Variants in ZDHHC15 observed in about 807,000 individuals in gnomAD.
ZDHHC15 encodes palmitoyltransferase ZDHHC15.
Under a neutral mutation model 31.7 loss-of-function variants are expected in ZDHHC15, and 19 were observed. The ratio of observed to expected loss-of-function variants is 0.60; its 90% CI spans 0.42 to 0.88. The LOEUF is 0.88. Ranked by LOEUF, ZDHHC15 falls within the 40% of genes least tolerant of loss-of-function variation. ZDHHC15 has a pLI of 0.00. For synonymous variants in ZDHHC15, 103 were observed against 90.0 expected (o/e 1.14, Z -0.82); for missense variants, 209 against 251.2 (o/e 0.83, Z 1.14).
intron 9 of ZDHHC15, among the ~76,000 whole-genome samples, chrX:75,419,959 G>T: frequency 1.5e-5 from 1 of 65,363 alleles, no homozygotes; most frequent in Non-Finnish European, 2.7e-5. Flanking sequence ...TGGGGTGGGG[G>T]GAGGGGGGAG....
At chrX:75,439,781 T>G (rs1002579720) in intron 4 of ZDHHC15, among the ~76,000 whole-genome samples, 10 of 111,426 alleles carry the variant, frequency 9.0e-5, no homozygotes, top group African/African-American at 3.3e-4. Flanking sequence ...TTGTTCCTTC[T>G]CATTTGGGTA....
At chrX:75,454,621 C>T (rs2084184593) in intron 3 of ZDHHC15, among the ~76,000 whole-genome samples, 2 of 111,426 alleles carry the variant, frequency 1.8e-5, no homozygotes, top group Admixed American at 1.9e-4. Flanking sequence ...TTAATGATTG[C>T]CATTCTAACT....
At chrX:75,383,734 GGTTTTTTTTT>G (rs1353843059) in intron 10 of ZDHHC15, among the ~76,000 whole-genome samples, 2 of 77,793 alleles carry the variant, frequency 2.6e-5, no homozygotes, top group Non-Finnish European at 4.8e-5. Flanking sequence ...AGAAATGTTA[GGTTTTTTTTT>G]TTTTTTTTTT....
chrX:75,380,638 G>C (rs1417549609), intron 10 of ZDHHC15, among the ~76,000 whole-genome samples: 1 of 110,758 alleles, frequency 9.0e-6, no homozygotes, highest in Non-Finnish European at 1.9e-5. Context: ...CACCGGGTGA[G>C]GACTAAATTA....
At chrX:75,459,119 C>T (rs2084272730) in intron 3 of ZDHHC15, among the ~76,000 whole-genome samples, 1 of 109,856 alleles carries the variant, frequency 9.1e-6, no homozygotes, top group South Asian at 4.1e-4. Flanking sequence ...CTCTGGTGAT[C>T]CCATGCCACC....
chrX:75,411,049 A>C (rs2083479551), intron 10 of ZDHHC15, among the ~76,000 whole-genome samples: 1 of 111,877 alleles, frequency 8.9e-6, no homozygotes, highest in Non-Finnish European at 1.9e-5. Context: ...GATCTCACAA[A>C]GATAGAGAGT....
intron 4 of ZDHHC15, among the ~76,000 whole-genome samples, chrX:75,439,116 C>G (rs1363087187): frequency 1.8e-5 from 2 of 111,539 alleles, no homozygotes; most frequent in African/African-American, 3.3e-5. Flanking sequence ...TTTAGATACT[C>G]TGATGACTGT....
intron 10 of ZDHHC15, among the ~76,000 whole-genome samples, chrX:75,404,273 C>T (rs756604819): frequency 4.5e-5 from 5 of 111,714 alleles, no homozygotes; most frequent in South Asian, 7.5e-4. Context: ...CTACAAAAAC[C>T]CAGGAAGACA....
intron 11 of ZDHHC15, among the ~76,000 whole-genome samples, chrX:75,373,878 T>C (rs924959448): frequency 2.8e-5 from 3 of 105,494 alleles, no homozygotes; most frequent in Admixed American, 1.0e-4. Flanking sequence ...TTTTTGACTA[T>C]AGTTACCCTG....
intron 3 of ZDHHC15, among the ~76,000 whole-genome samples, chrX:75,461,746 C>A (rs1407232346): frequency 1.8e-5 from 2 of 111,828 alleles, no homozygotes; most frequent in Non-Finnish European, 3.8e-5. Flanking sequence ...AATTAATTGC[C>A]ACCAGGCCTG....
At chrX:75,378,433 C>T (rs1009104199) in intron 11 of ZDHHC15, among the ~76,000 whole-genome samples, 2 of 111,900 alleles carry the variant, frequency 1.8e-5, no homozygotes, top group Non-Finnish European at 1.9e-5. Context: ...TGGGAACCCA[C>T]GAACAGATTG....
intron 2 of ZDHHC15, among the ~76,000 whole-genome samples, chrX:75,479,821 C>A (rs2084661522): frequency 8.9e-6 from 1 of 111,966 alleles, no homozygotes; most frequent in South Asian, 3.7e-4. Flanking sequence ...TTCCATCCAT[C>A]TTGCTGCAAA....
intron 4 of ZDHHC15, among the ~76,000 whole-genome samples, chrX:75,433,467 A>G (rs912680658): frequency 6.4e-5 from 7 of 109,498 alleles, no homozygotes; most frequent in African/African-American, 2.0e-4. Context: ...AGTACACTAT[A>G]TCATTCTTAG....
intron 2 of ZDHHC15, among the ~76,000 whole-genome samples, chrX:75,486,860 C>T (rs974901762): frequency 1.2e-4 from 13 of 111,381 alleles, no homozygotes; most frequent in Non-Finnish European, 2.5e-4. Flanking sequence ...AGTCTGAGCT[C>T]AGACTCACCT....
chrX:75,450,995 CT>C, intron 3 of ZDHHC15, 73 bp from the exon 4 acceptor site: 1 of 1,104,435 alleles, frequency 9.1e-7, no homozygotes, highest in South Asian at 2.2e-5. Flanking sequence ...ACAACAATAA[CT>C]ACTTTAATGA....
chrX:75,457,643 ACT>A (rs1228457660), intron 3 of ZDHHC15, among the ~76,000 whole-genome samples: 1 of 92,779 alleles, frequency 1.1e-5, no homozygotes, highest in South Asian at 5.2e-4. Context: ...TTTTATTTAC[ACT>A]CACACACACA....
chrX:75,449,009 G>T (rs925892464), intron 4 of ZDHHC15, among the ~76,000 whole-genome samples: 2 of 110,618 alleles, frequency 1.8e-5, no homozygotes, highest in Non-Finnish European at 1.9e-5. Flanking sequence ...CTGACTGCAT[G>T]AGCTGAGACA....
intron 10 of ZDHHC15, among the ~76,000 whole-genome samples, chrX:75,407,629 A>G (rs1454815895): frequency 2.3e-5 from 2 of 88,558 alleles, no homozygotes; most frequent in Non-Finnish European, 4.6e-5. Flanking sequence ...CCCGTCTGGG[A>G]GGTGGGGGGC....
chrX:75,373,926 G>GGTTTTTTTTTTTT (rs2083027725), intron 11 of ZDHHC15, among the ~76,000 whole-genome samples: 1 of 50,456 alleles, frequency 2.0e-5, no homozygotes, highest in Non-Finnish European at 3.4e-5. Context: ...CATTCTTTCT[G>GGTTTTTTTTTTTT]TTTTTTTTTT....
Sources: gnomAD v4.1 joint callset for allele counts (sites outside exome capture counted in the v4.1 genomes callset) on GRCh38, gnomAD v4.1.1 for gene constraint, MANE v1.5 for transcripts, NCBI Gene and HGNC (gene_info 2026-07-23, HGNC 2026-07-21) for gene names.